UNG: variants seen among roughly 807,000 people sequenced by gnomAD.
UNG encodes the protein uracil DNA glycosylase, also known as uracil-DNA glycosylase.
In UNG, 34 loss-of-function variants were observed where a neutral mutation model predicts 36.5. That is an observed-to-expected ratio of 0.93 (90% CI 0.71 to 1.24). UNG has a LOEUF of 1.24. Among genes scored for constraint, UNG ranks in the 50% most tolerant of loss-of-function variants. UNG has a pLI of 0.00. For missense variants in UNG, 391 were observed against 397.6 expected (o/e 0.98, Z 0.14); for synonymous variants, 172 against 157.8 (o/e 1.09, Z -0.67).
At chr12:109,103,124 T>A (rs1351551320) in intron 5 of UNG, among the ~76,000 whole-genome samples, 197 bp downstream of exon 5, 1 of 151,924 alleles carries the variant, frequency 6.6e-6, no homozygotes, top group Non-Finnish European at 1.5e-5. Context: ...GCTAATTTTT[T>A]AATGTATTTT....
rs572847021 is a variant in UNG, at chr12:109,097,717, C to G, written c.38C>G (p.Pro13Arg). The G allele has an allele frequency of 6.3e-7, 1 of 1,593,758 alleles. No individual in the cohort carries two copies. Among genetic ancestry groups the G allele is most frequent in the African/African-American group, 1.3e-5 (1 of 74,362 alleles). ...GQKTLYSFFS[P>R]SPARKRHAPS... Reference sequence around the variant, plus strand: ...AAGACGCTCTACTCCTTTTTCTCCCCCAGCCCCGCCAGGAAGCGACACGCC... The same window carrying G: ...AAGACGCTCTACTCCTTTTTCTCCCGCAGCCCCGCCAGGAAGCGACACGCC... The change falls in exon 1 of 7, where the codon CCC becomes CGC. Residue 13 changes from proline (P) to arginine (R), a missense_variant. Physicochemically the swap from Pro to Arg is moderately radical, Grantham distance 103. Transcript: ENST00000242576.
intron 5 of UNG, among the ~76,000 whole-genome samples, chr12:109,103,214 C>T (rs1566121793): frequency 6.6e-6 from 1 of 152,192 alleles, no homozygotes; most frequent in African/African-American, 2.4e-5. Flanking sequence ...ACTCGGCTTC[C>T]CAAAGTGCTG....
chr12:109,107,454 C>T (rs940780121), intron 6 of UNG, among the ~76,000 whole-genome samples: 4 of 151,984 alleles, frequency 2.6e-5, no homozygotes, highest in Non-Finnish European at 4.4e-5. Flanking sequence ...ATCCTCCTGC[C>T]TCGGCCTCCC....
At chr12:109,102,088 C>A in intron 4 of UNG, 89 bp downstream of exon 4, 2 of 1,171,218 alleles carry the variant, frequency 1.7e-6, no homozygotes, top group Non-Finnish European at 2.5e-6. Context: ...ATCTGGGGCA[C>A]TGTTCACTAG....
At position 109,099,161 on chromosome 12, in the gene UNG, T is replaced by C. The variant is rs777938183; in HGVS notation, c.340-28T>C. 4 of 1,595,352 alleles carry C rather than the reference T, an allele frequency of 2.5e-6. No homozygotes were observed. The Admixed American group carries it at 6.7e-5, about 27-fold the overall frequency. On this transcript the variant is annotated intron_variant, in intron 2 of 6. Coordinates refer to ENST00000242576, the MANE Select transcript of UNG (RefSeq NM_080911.3). ...CTTATGGTTTCCAATGAGAATCTGA[T>C]TTTAAGTCTAGTTTATCTTTAAATC...
intron 3 of UNG, among the ~76,000 whole-genome samples, chr12:109,100,508 G>T (rs993183391): frequency 1.3e-5 from 2 of 152,182 alleles, no homozygotes; most frequent in South Asian, 4.1e-4. Context: ...TAATTTTAGA[G>T]TAAGAATTTA....
At chr12:109,102,409 C>T (rs1168150990) in intron 4 of UNG, among the ~76,000 whole-genome samples, 2 of 149,962 alleles carry the variant, frequency 1.3e-5, no homozygotes, top group Admixed American at 6.7e-5. Context: ...TCCCGGGAGG[C>T]GGAGGTGGCA....
intron 5 of UNG, 139 bp from the exon 6 acceptor site, chr12:109,103,294 G>T: frequency 1.2e-6 from 1 of 838,614 alleles, no homozygotes. Context: ...CTGCCATTAT[G>T]CCGGCTGCAG....
chr12:109,110,197 A>C lies in UNG; in HGVS notation c.*228A>C. ...TTTCTCTGCAACATGGCTTCGGCCT[A>C]AAATATGCAGAAGACAGATGAGGTC... On this transcript the variant is annotated 3_prime_UTR_variant, in exon 7 of 7. Coordinates refer to ENST00000242576, the MANE Select transcript of UNG (RefSeq NM_080911.3). 1 of 585,834 alleles carries C rather than the reference A, an allele frequency of 1.7e-6. No individual in the cohort carries two copies. Among genetic ancestry groups the C allele is most frequent in the South Asian group, 2.0e-5 (1 of 50,718 alleles). 36.3% of individuals were successfully genotyped at this position (585,834 alleles called of 1,614,324 possible). A position where few individuals can be genotyped will look rare whatever the true frequency, so the allele number is the denominator to read the frequency against.
rs574312084 is a variant in UNG, at chr12:109,107,548, A to G, written c.802-2281A>G. On this transcript the variant is annotated intron_variant, in intron 6 of 6. Coordinates refer to ENST00000242576, the MANE Select transcript of UNG (RefSeq NM_080911.3). Reference sequence around the variant, plus strand: ...TTTTTTTTTTTTTTTTTTTTCTGAGACAGTTTCACTCTTGTTGCCCAGGCT... The same window carrying G: ...TTTTTTTTTTTTTTTTTTTTCTGAGGCAGTTTCACTCTTGTTGCCCAGGCT... Among the ~76,000 whole-genome samples, 362 of 94,412 alleles carry G rather than the reference A, an allele frequency of 3.8e-3. 5 individuals are homozygous for G. The highest frequency in any genetic ancestry group is 0.015 in the African/African-American group (351 of 23,342). 61.9% of individuals were successfully genotyped at this position (94,412 alleles called of 152,430 possible).
intron 6 of UNG, among the ~76,000 whole-genome samples, chr12:109,104,587 T>C (rs3219243): frequency 0.19 from 29,516 of 152,070 alleles, 2,886 homozygotes; most frequent in East Asian, 0.32. Flanking sequence ...CTGCTTCTCA[T>C]TCGCCACTGC....
In UNG at chr12:109,097,678, G is replaced by C; in HGVS notation, c.-2G>C. 1 of 1,605,260 alleles carries C rather than the reference G, an allele frequency of 6.2e-7. No homozygotes were observed. The highest frequency in any genetic ancestry group is 8.5e-7 in the Non-Finnish European group (1 of 1,175,986). ...CGCGTTCGCTGCCTCCTCAGCTCCA[G>C]GATGATCGGCCAGAAGACGCTCTAC... On this transcript the variant is annotated 5_prime_UTR_variant, in exon 1 of 7. Coordinates refer to ENST00000242576, the MANE Select transcript of UNG (RefSeq NM_080911.3).
intron 3 of UNG, among the ~76,000 whole-genome samples, chr12:109,099,907 C>A (rs2042164334): frequency 6.6e-6 from 1 of 152,052 alleles, no homozygotes; most frequent in African/African-American, 2.4e-5. Flanking sequence ...TCCTAAAATA[C>A]AAAAATTAGC....
At chr12:109,099,824 C>T (rs2042163710) in intron 3 of UNG, among the ~76,000 whole-genome samples, 1 of 152,144 alleles carries the variant, frequency 6.6e-6, no homozygotes, top group African/African-American at 2.4e-5. Flanking sequence ...TGCCTGTAAT[C>T]CCAGCACTTT....
At chr12:109,101,665 G>C (rs1344999011) in intron 3 of UNG, among the ~76,000 whole-genome samples, 4 of 152,094 alleles carry the variant, frequency 2.6e-5, no homozygotes, top group Non-Finnish European at 5.9e-5. Context: ...AGCTGTGATG[G>C]CACCACTGCA....
At chr12:109,101,106 CTTTTTTTTTTTTTTTTT>C (rs71079522) in intron 3 of UNG, among the ~76,000 whole-genome samples, 3 of 53,634 alleles carry the variant, frequency 5.6e-5, no homozygotes, top group African/African-American at 2.1e-4. Flanking sequence ...ATCTGAATTG[CTTTTTTTTTTTTTTTTT>C]TTTTTTTTTT....
chr12:109,102,985 T>A lies in UNG; in HGVS notation c.622+58T>A, dbSNP rs1036832512. On this transcript the variant is annotated intron_variant, in intron 5 of 6. Transcript: ENST00000242576. Reference sequence around the variant, plus strand: ...TTTTTTTTTTGAGACCGAGTCTCACTCTGTTGCCCAGGCTAGAGTGCAGTG... The same window carrying A: ...TTTTTTTTTTGAGACCGAGTCTCACACTGTTGCCCAGGCTAGAGTGCAGTG... The A allele has an allele frequency of 4.5e-5, 56 of 1,235,466 alleles. No individual in the cohort carries two copies. In the African/African-American group the frequency reaches 8.1e-4, roughly 18 times the overall value. The allele number at this position is 1,235,466 out of a possible 1,614,324, so 76.5% of individuals were successfully genotyped here. A position where few individuals can be genotyped will look rare whatever the true frequency, so the allele number is the denominator to read the frequency against.
At position 109,110,158 on chromosome 12, in the gene UNG, T is replaced by C; in HGVS notation, c.*189T>C. 1.4e-6 allele frequency: 1 copy of C among 696,350 alleles called. No individual in the cohort carries two copies. The highest frequency in any genetic ancestry group is 2.4e-6 in the Non-Finnish European group (1 of 417,934). 43.1% of individuals were successfully genotyped at this position (696,350 alleles called of 1,614,324 possible). A position where few individuals can be genotyped will look rare whatever the true frequency, so the allele number is the denominator to read the frequency against. ...CAACCACAAACAACAAAGGCTACCC[T>C]TTGACCAAATGTCTTTCTCTGCAAC... On this transcript the variant is annotated 3_prime_UTR_variant, in exon 7 of 7. Transcript: ENST00000242576.
rs2042253140 is a variant in UNG at position 109,110,520 on chromosome 12, G to A, written c.*551G>A. ...TCCAGAATCTGGCCCAGAAATTAGG[G>A]CTCAATTTCCTGATTGTAGTAGAGG... is the stretch of plus-strand genomic sequence containing the variant. On this transcript the variant is annotated 3_prime_UTR_variant, in exon 7 of 7. Coordinates refer to ENST00000242576, the MANE Select transcript of UNG (RefSeq NM_080911.3). 1 of 164,504 alleles carries A rather than the reference G, an allele frequency of 6.1e-6. No homozygotes were observed. Among genetic ancestry groups the A allele is most frequent in the Non-Finnish European group, 1.3e-5 (1 of 74,516 alleles). 10.2% of individuals were successfully genotyped at this position (164,504 alleles called of 1,614,324 possible).
Sources: gnomAD v4.1 joint callset for allele counts (sites outside exome capture counted in the v4.1 genomes callset) on GRCh38, gnomAD v4.1.1 for gene constraint, MANE v1.5 for transcripts, NCBI Gene and HGNC (gene_info 2026-07-23, HGNC 2026-07-21) for gene names.